Variants in ZNF646 observed in about 807,000 individuals in gnomAD.
The protein encoded by ZNF646 is zinc finger protein 646.
ZNF646 carries 49 observed loss-of-function variants against 115.4 expected under a neutral mutation model. The observed-to-expected ratio is 0.42, with a 90% CI of 0.34 to 0.54. The LOEUF (loss-of-function observed/expected upper bound fraction) is 0.54, where lower values mean the gene tolerates loss of function less well. ZNF646 is among the 20% of genes least tolerant of loss of function. ZNF646 has a pLI of 0.04. For synonymous variants in ZNF646, 933 were observed against 939.0 expected (o/e 0.99, Z 0.12); for missense variants, 2,269 against 2,457.9 (o/e 0.92, Z 1.62).
chr16:31,081,316 G>A lies in ZNF646; in HGVS notation c.4992G>A (p.Ala1664=), dbSNP rs543432425. The A allele has an allele frequency of 7.4e-6, 12 of 1,613,892 alleles. No homozygotes were observed. The highest frequency in any genetic ancestry group is 2.2e-5 in the South Asian group (2 of 91,064). Residue 1664 remains alanine (A), a synonymous_variant, in exon 2 of 3, where the codon GCG becomes GCA. Transcript: ENST00000300850. The part of the protein sequence containing the change: ...ESVERARGGQ[A]VTSMAAEDKE... Reference sequence around the variant, plus strand: ...TGGAGAGAGCCAGGGGAGGACAAGCGGTGACGTCCATGGCGGCTGAGGACA... The same window carrying A: ...TGGAGAGAGCCAGGGGAGGACAAGCAGTGACGTCCATGGCGGCTGAGGACA...
intron 1 of ZNF646, chr16:31,075,862 T>C (rs2057069984): frequency 6.4e-6 from 1 of 155,238 alleles, no homozygotes; most frequent in Non-Finnish European, 1.4e-5. Context: ...TTGGTGTCCT[T>C]TTAAGATGTC....
chr16:31,074,782 G>A (rs2143793152), intron 1 of ZNF646, 151 bp downstream of exon 1: 1 of 152,344 alleles, frequency 6.6e-6, no homozygotes, highest in Admixed American at 6.5e-5. Flanking sequence ...TTCATTGGTG[G>A]TTGACTAGGG....
At position 31,083,568 on chromosome 16, in the gene ZNF646, T is replaced by C; in HGVS notation, c.*476T>C. On this transcript the variant is annotated 3_prime_UTR_variant, in exon 3 of 3. Transcript: ENST00000300850. ...AAAGGAGGAGGAAAGCTGAGACGCCTGCTTGGTAGCAGAGTTGGGTGTGGG... is the reference window on the plus strand; with the variant it reads ...AAAGGAGGAGGAAAGCTGAGACGCCCGCTTGGTAGCAGAGTTGGGTGTGGG... 1 of 1,439,846 alleles carries C rather than the reference T, an allele frequency of 6.9e-7. No homozygotes were observed. Among genetic ancestry groups the C allele is most frequent in the South Asian group, 1.5e-5 (1 of 66,598 alleles). The allele number at this position is 1,439,846 out of a possible 1,614,324, so 89.2% of individuals were successfully genotyped here.
At position 31,084,170 on chromosome 16, in the gene ZNF646, C is replaced by A; in HGVS notation, c.*1078C>A. 1 of 1,602,550 alleles carries A rather than the reference C, an allele frequency of 6.2e-7. No homozygotes were observed. The highest frequency in any genetic ancestry group is 8.5e-7 in the Non-Finnish European group (1 of 1,175,238). On this transcript the variant is annotated 3_prime_UTR_variant, in exon 3 of 3. Transcript: ENST00000300850. Reference sequence around the variant, plus strand: ...TCAGCCTCGGGCTCTGGTTCCTCGGCGAAGTAGACCTGCCAGTCCAAACTG... The same window carrying A: ...TCAGCCTCGGGCTCTGGTTCCTCGGAGAAGTAGACCTGCCAGTCCAAACTG...
Position 31,078,997 on chromosome 16 carries a change from T to C in ZNF646, c.2673T>C (p.Pro891=), listed in dbSNP as rs767175417. Residue 891 remains proline, a synonymous_variant, in exon 2 of 3, where the codon CCT becomes CCC. Coordinates refer to ENST00000300850, the MANE Select transcript of ZNF646 (RefSeq NM_014699.4). ...FLCCLCGMIF[P]GRAGYRLHRR... is the part of the protein sequence containing the mutation. Reference sequence around the variant, plus strand: ...GCTGCCTCTGTGGCATGATCTTCCCTGGGCGGGCTGGCTACAGGCTTCACC... The same window carrying C: ...GCTGCCTCTGTGGCATGATCTTCCCCGGGCGGGCTGGCTACAGGCTTCACC... 1.3e-6 allele frequency: 2 copies of C among 1,599,228 alleles called. No individual in the cohort carries two copies. The highest frequency in any genetic ancestry group is 1.1e-5 in the South Asian group (1 of 90,052).
rs377128928 is a variant in ZNF646 at position 31,082,885 on chromosome 16, G to A, written c.5378-86G>A. ...ATCTGGGCCTCCGGGGCCAGGGGCAGGGGAATGGCCTGCAGGGCTGGGAGG... is the reference window on the plus strand; with the variant it reads ...ATCTGGGCCTCCGGGGCCAGGGGCAAGGGAATGGCCTGCAGGGCTGGGAGG... On this transcript the variant is annotated intron_variant, in intron 2 of 2. Coordinates refer to ENST00000300850, the MANE Select transcript of ZNF646 (RefSeq NM_014699.4). 1,064 of 1,497,210 alleles carry A rather than the reference G, an allele frequency of 7.1e-4. 6 individuals carry two copies. In the African/African-American group the frequency reaches 0.013, roughly 19 times the overall value. 92.7% of individuals were successfully genotyped at this position (1,497,210 alleles called of 1,614,324 possible).
intron 1 of ZNF646, chr16:31,075,999 C>G: frequency 3.6e-6 from 1 of 275,210 alleles, no homozygotes; most frequent in Non-Finnish European, 6.8e-6. Flanking sequence ...GCATCTCTCT[C>G]AACTTTAATT....
In ZNF646 at chr16:31,079,036, C is replaced by T. The variant is rs2057118584; in HGVS notation, c.2712C>T (p.His904=). Residue 904 remains histidine (H), a synonymous_variant, in exon 2 of 3, where the codon CAC becomes CAT. Transcript: ENST00000300850. This position sits in a 1 kb window ranked among gnomAD's most constrained non-coding sequence, Gnocchi z 5.5. Reference sequence around the variant, plus strand: ...ACAGGCTTCACCGGCGCCAGGCCCACAGCTCCTCTGGCATGACTGAGGGCT... The same window carrying T: ...ACAGGCTTCACCGGCGCCAGGCCCATAGCTCCTCTGGCATGACTGAGGGCT... ...AGYRLHRRQA[H]SSSGMTEGSE... is the part of the protein sequence containing the mutation. The T allele has an allele frequency of 7.6e-6, 12 of 1,584,106 alleles. No homozygotes were observed. Among genetic ancestry groups the T allele is most frequent in the Non-Finnish European group, 1.0e-5 (12 of 1,162,844 alleles).
Position 31,076,822 on chromosome 16 carries a change from G to A in ZNF646, c.498G>A (p.Leu166=). ...CAGCTTCGGGTACGTGGGAAGATCTGCCCACCAGACAAAGAGAAGGCTTGG... is the reference window on the plus strand; with the variant it reads ...CAGCTTCGGGTACGTGGGAAGATCTACCCACCAGACAAAGAGAAGGCTTGG... ...PRAASGTWED[L]PTRQREGLAS... Residue 166 remains leucine, a synonymous_variant, in exon 2 of 3, where the codon CTG becomes CTA. Coordinates refer to ENST00000300850, the MANE Select transcript of ZNF646 (RefSeq NM_014699.4). 6.2e-7 allele frequency: 1 copy of A among 1,614,116 alleles called. No homozygotes were observed. Among genetic ancestry groups the A allele is most frequent in the Non-Finnish European group, 8.5e-7 (1 of 1,180,034 alleles).
chr16:31,083,625 G>T lies in ZNF646; in HGVS notation c.*533G>T, dbSNP rs2057194271. ...CACAGACACCCCTGTCCTGCAGGGTGGGGAGTGGGCACCTGTGGCCCCAGG... is the reference window on the plus strand; with the variant it reads ...CACAGACACCCCTGTCCTGCAGGGTTGGGAGTGGGCACCTGTGGCCCCAGG... On this transcript the variant is annotated 3_prime_UTR_variant, in exon 3 of 3. Transcript: ENST00000300850. The T allele has an allele frequency of 6.6e-7, 1 of 1,509,542 alleles. No individual in the cohort carries two copies. The highest frequency in any genetic ancestry group is 1.4e-5 in the African/African-American group (1 of 72,670). 93.5% of individuals were successfully genotyped at this position (1,509,542 alleles called of 1,614,324 possible). A position where few individuals can be genotyped will look rare whatever the true frequency, so the allele number is the denominator to read the frequency against.
chr16:31,082,899 A>G (rs2057182406), intron 2 of ZNF646, 72 bp from the exon 3 acceptor site: 20 of 1,519,936 alleles, frequency 1.3e-5, no homozygotes, highest in Non-Finnish European at 1.7e-5. Context: ...AATGGCCTGC[A>G]GGGCTGGGAG....
Position 31,079,076 on chromosome 16 carries a change from G to A in ZNF646, c.2752G>A (p.Glu918Lys), listed in dbSNP as rs1425533727. The change falls in exon 2 of 3, where the codon GAA (glutamate) becomes AAA (lysine). Residue 918 changes from glutamate (E) to lysine (K), a missense_variant. Transcript: ENST00000300850. This position sits in a 1 kb window ranked among gnomAD's most constrained non-coding sequence, Gnocchi z 5.5. ...GACTGAGGGCTCAGAGGAGGAGGGG[G>A]AAGAGGAAGGAGTGGCAGAGGCAGC... ...GMTEGSEEEG[E>K]EEGVAEAAPA... 2.5e-6 allele frequency: 4 copies of A among 1,575,148 alleles called. No individual in the cohort carries two copies. The East Asian group carries it at 9.0e-5, about 36-fold the overall frequency.
In ZNF646 at chr16:31,081,554, G is replaced by A. The variant is rs2057158658; in HGVS notation, c.5230G>A (p.Ala1744Thr). The A allele has an allele frequency of 6.2e-7, 1 of 1,613,714 alleles. No individual in the cohort carries two copies. Among genetic ancestry groups the A allele is most frequent in the Non-Finnish European group, 8.5e-7 (1 of 1,180,020 alleles). ...CATCTGTGGCAAGGCCTTTCGGACA[G>A]CTGCCCGGCTGGAGGGCCACGGGCG... The part of the protein sequence containing the change: ...CSICGKAFRT[A>T]ARLEGHGRVH... Residue 1744 changes from alanine (A) to threonine (T), a missense_variant, in exon 2 of 3, where the codon GCT becomes ACT. Physicochemically the swap from Ala to Thr is moderately conservative, Grantham distance 58. Coordinates refer to ENST00000300850, the MANE Select transcript of ZNF646 (RefSeq NM_014699.4).
upstream of ZNF646, chr16:31,074,165 G>A (rs1361188748): frequency 1.3e-5 from 2 of 152,266 alleles, no homozygotes; most frequent in African/African-American, 4.8e-5. Context: ...CAGGGCTGTA[G>A]AATCTTTTTC....
At chr16:31,073,073 A>AGCTCCTCGCTCCTC (rs11281612), upstream of ZNF646, 3 of 151,550 alleles carry the variant, frequency 2.0e-5, no homozygotes, top group South Asian at 2.1e-4. Flanking sequence ...AGAAACCCGG[A>AGCTCCTCGCTCCTC]GCTCCTCGCT....
In ZNF646 at chr16:31,079,735, G is replaced by A. The variant is rs749881020; in HGVS notation, c.3411G>A (p.Gln1137=). The A allele has an allele frequency of 6.2e-6, 10 of 1,613,704 alleles. No individual in the cohort carries two copies. The highest frequency in any genetic ancestry group is 4.4e-5 in the South Asian group (4 of 91,082). Reference sequence around the variant, plus strand: ...CAGAAGGAGGCAGCAACAAGCCCCAGCACATGGCAGAGGAGGGGCCGGGGC... The same window carrying A: ...CAGAAGGAGGCAGCAACAAGCCCCAACACATGGCAGAGGAGGGGCCGGGGC... ...PIPEGGSNKP[Q]HMAEEGPGQA... The change falls in exon 2 of 3, where the codon CAG becomes CAA. Residue 1137 remains glutamine, a synonymous_variant. Transcript: ENST00000300850. This position sits in a 1 kb window ranked among gnomAD's most constrained non-coding sequence, Gnocchi z 5.5.
chr16:31,081,961 C>T (rs1022865778), intron 2 of ZNF646: 2 of 537,452 alleles, frequency 3.7e-6, no homozygotes, highest in African/African-American at 1.9e-5. Context: ...ACCTGGGCTC[C>T]TCCATTACAC....
chr16:31,075,249 G>A, intron 1 of ZNF646, among the ~76,000 whole-genome samples: 1 of 152,192 alleles, frequency 6.6e-6, no homozygotes, highest in South Asian at 2.1e-4. Context: ...ATGGAAGATA[G>A]TTTGAGTTCA....
Position 31,078,943 on chromosome 16 carries a change from G to T in ZNF646, c.2619G>T (p.Gly873=), listed in dbSNP as rs2057116988. 6.2e-7 allele frequency: 1 copy of T among 1,612,852 alleles called. No individual in the cohort carries two copies. The highest frequency in any genetic ancestry group is 8.5e-7 in the Non-Finnish European group (1 of 1,179,864). Residue 873 remains glycine (G), a synonymous_variant, in exon 2 of 3, where the codon GGG becomes GGT. Coordinates refer to ENST00000300850, the MANE Select transcript of ZNF646 (RefSeq NM_014699.4). ...LRSHFQNHRP[G]EATSAQPFLC... is the part of the protein sequence containing the mutation. ...GCCACTTCCAGAACCATAGGCCTGG[G>T]GAGGCGACCTCAGCACAGCCTTTCC... is the stretch of plus-strand genomic sequence containing the variant.
Sources: gnomAD v4.1 joint callset for allele counts (sites outside exome capture counted in the v4.1 genomes callset) on GRCh38, gnomAD v4.1.1 for gene constraint, Gnocchi (gnomAD v3.1) non-coding constraint, MANE v1.5 for transcripts, NCBI Gene and HGNC (gene_info 2026-07-23, HGNC 2026-07-21) for gene names.